The following WDR46 variants were observed in gnomAD, a reference collection of about 807,000 sequenced individuals.
The protein encoded by WDR46 is WD repeat domain 46.
A neutral mutation model predicts 74.7 loss-of-function variants in WDR46; 58 were observed. The ratio of observed to expected loss-of-function variants is 0.78; its 90% confidence interval spans 0.63 to 0.97. The LOEUF is 0.97. Among genes scored for constraint, WDR46 ranks in the 50% least tolerant of loss-of-function variants. The probability of loss-of-function intolerance (pLI) is 0.00; values close to 1 mark genes in which losing one functional copy is unlikely to be tolerated. For synonymous variants in WDR46, 278 were observed against 297.3 expected, an observed-to-expected ratio of 0.93 and a Z score of 0.67; for missense variants, 702 against 790.1, an observed-to-expected ratio of 0.89 and a Z score of 1.34.
At position 33,279,573 on chromosome 6, in the gene WDR46, T is replaced by C; in HGVS notation, c.1658A>G (p.Lys553Arg). ...DPQAKAPFQP[K>R]PKQKGRSSTA... ...GGAGCTGCGGCCCTTCTGCTTTGGCTTTGGCTGGAAGGGAGCCTTAGCCTG... is the reference window on the plus strand; with the variant it reads ...GGAGCTGCGGCCCTTCTGCTTTGGCCTTGGCTGGAAGGGAGCCTTAGCCTG... The change falls in exon 14 of 15, where the codon AAG becomes AGG. Residue 553 changes from lysine (K) to arginine (R), a missense_variant. Physicochemically the swap from Lys to Arg is conservative, Grantham distance 26 (BLOSUM62 2). Coordinates refer to ENST00000374617, the MANE Select transcript of WDR46 (RefSeq NM_005452.6). 1.2e-6 allele frequency: 2 copies of C among 1,614,186 alleles called. No individual in the cohort carries two copies. The highest frequency in any genetic ancestry group is 2.2e-5 in the South Asian group (2 of 91,088).
chr6:33,279,163 C>T lies in WDR46; in HGVS notation c.*113G>A. On this transcript the variant is annotated 3_prime_UTR_variant, in exon 15 of 15. Transcript: ENST00000374617. ...ACCCACCCCAGGAGACAGCTGTCCA[C>T]CCCCAGTTGGGGAAGGGGCCACACT... 2 of 1,450,884 alleles carry T rather than the reference C, an allele frequency of 1.4e-6. No homozygotes were observed. The highest frequency in any genetic ancestry group is 1.9e-6 in the Non-Finnish European group (2 of 1,061,468). 89.9% of individuals were successfully genotyped at this position (1,450,884 alleles called of 1,614,324 possible). A position where few individuals can be genotyped will look rare whatever the true frequency, so the allele number is the denominator to read the frequency against.
intron 10 of WDR46, among the ~76,000 whole-genome samples, chr6:33,281,539 G>C (rs1220748293): frequency 6.6e-6 from 1 of 152,172 alleles, no homozygotes; most frequent in Non-Finnish European, 1.5e-5. Flanking sequence ...AGGTTTGTTA[G>C]GATTGGTGGG....
At position 33,280,512 on chromosome 6, in the gene WDR46, C is replaced by A. The variant is rs754628658; in HGVS notation, c.1440G>T (p.Glu480Asp). Residue 480 changes from glutamate to aspartate, a missense_variant, in exon 12 of 15, where the codon GAG (glutamate) becomes GAT (aspartate). By Grantham distance (45) the Glu-to-Asp change is conservative. Transcript: ENST00000374617. ...ITSMLVPGAG[E>D]PNFDGLESNP... ...TACTCTCCAGGCCATCGAAGTTGGGCTCACCGGCCCCTGAAGGGAGGGAGG... is the reference window on the plus strand; with the variant it reads ...TACTCTCCAGGCCATCGAAGTTGGGATCACCGGCCCCTGAAGGGAGGGAGG... 2 of 1,601,188 alleles carry A rather than the reference C, an allele frequency of 1.2e-6. No homozygotes were observed. The highest frequency in any genetic ancestry group is 1.7e-6 in the Non-Finnish European group (2 of 1,173,196).
chr6:33,281,600 G>A (rs1017127467), intron 10 of WDR46, among the ~76,000 whole-genome samples: 1 of 152,178 alleles, frequency 6.6e-6, no homozygotes, highest in Admixed American at 6.5e-5. Flanking sequence ...TTTCTTTAAA[G>A]TCAGACTGAG....
intron 11 of WDR46, 44 bp downstream of exon 11, chr6:33,280,630 C>A: frequency 6.3e-7 from 1 of 1,594,804 alleles, no homozygotes; most frequent in South Asian, 1.1e-5. Context: ...CAAACTTCCA[C>A]CCAGAGTTCA....
intron 10 of WDR46, among the ~76,000 whole-genome samples, chr6:33,285,594 G>A (rs1455025371): frequency 1.3e-5 from 2 of 151,954 alleles, no homozygotes; most frequent in Non-Finnish European, 2.9e-5. Flanking sequence ...CACAGTCTTG[G>A]CTCACTGCAA....
At position 33,289,155 on chromosome 6, in the gene WDR46, TG is replaced by T; in HGVS notation, c.15del (p.Lys6SerfsTer59). 6.2e-7 allele frequency: 1 copy of T among 1,613,158 alleles called. No homozygotes were observed. The highest frequency in any genetic ancestry group is 8.5e-7 in the Non-Finnish European group (1 of 1,179,418). Reference sequence around the variant, plus strand: ...TTGGGCGGGACATCCTTGCCCGGCTTGGGGGCTGTCTCCATCTCGCCCACCC... The same window carrying T: ...TTGGGCGGGACATCCTTGCCCGGCTTGGGGCTGTCTCCATCTCGCCCACCC... Reference protein sequence around the residue: METAPKPGKDVPPKK... With the variant: METAXKPGKDVPPKK... On this transcript the variant is annotated frameshift_variant, in exon 1 of 15. Coordinates refer to ENST00000374617, the MANE Select transcript of WDR46 (RefSeq NM_005452.6). LOFTEE classifies it high-confidence loss of function.
chr6:33,286,150 A>T (rs1362450046), intron 10 of WDR46, among the ~76,000 whole-genome samples: 1 of 137,256 alleles, frequency 7.3e-6, no homozygotes, highest in Non-Finnish European at 1.5e-5. Context: ...CTCTCAAAAG[A>T]TTTAAAAAAA....
At chr6:33,284,954 C>G (rs972245342) in intron 10 of WDR46, 1 of 153,780 alleles carries the variant, frequency 6.5e-6, no homozygotes, top group South Asian at 2.1e-4. Flanking sequence ...GTCACAGTGA[C>G]ACAGTCGTAA....
chr6:33,287,312 C>T lies in WDR46; in HGVS notation c.879+43G>A, dbSNP rs1410315927. The T allele has an allele frequency of 1.9e-6, 3 of 1,612,724 alleles. No individual in the cohort carries two copies. The South Asian group carries it at 3.3e-5, about 18-fold the overall frequency. The stretch of plus-strand genomic sequence containing the variant: ...GGGGTCCTAAAGGAGAGGTGGTCAT[C>T]CCAAGGGCTTCCAACCAGTTCCTGA... On this transcript the variant is annotated intron_variant, in intron 8 of 14. Transcript: ENST00000374617.
Position 33,280,829 on chromosome 6 carries a change from A to T in WDR46, c.1274T>A (p.Ile425Asn). The T allele has an allele frequency of 6.2e-7, 1 of 1,614,110 alleles. No individual in the cohort carries two copies. Among genetic ancestry groups the T allele is most frequent in the Non-Finnish European group, 8.5e-7 (1 of 1,180,004 alleles). Residue 425 changes from isoleucine (I) to asparagine (N), a missense_variant, in exon 11 of 15, where the codon ATC becomes AAC. Ile to Asn is a moderately radical substitution (Grantham distance 149). Transcript: ENST00000374617. ...GCTGGCCTTGCCCTGCCCTGCCCAG[A>T]TGTTGACAACGTCACCCATTCCCGC... ...LVAGMGDVVN[I>N]WAGQGKASPP...
chr6:33,284,365 G>A (rs1362368087), intron 10 of WDR46: 3 of 153,758 alleles, frequency 2.0e-5, no homozygotes, highest in Non-Finnish European at 4.4e-5. Context: ...GCAGAGCCCT[G>A]CCCACAGCAG....
At chr6:33,287,280 C>T (rs911499358) in intron 8 of WDR46, 54 bp from the exon 9 acceptor site, 1 of 1,612,274 alleles carries the variant, frequency 6.2e-7, no homozygotes, top group Non-Finnish European at 8.5e-7. Context: ...TCTGTATTCC[C>T]TCTGCTGGGG....
intron 11 of WDR46, 43 bp from the exon 12 acceptor site, chr6:33,280,565 C>T (rs1268851321): frequency 1.2e-6 from 2 of 1,600,736 alleles, no homozygotes; most frequent in African/African-American, 2.7e-5. Flanking sequence ...AAGGAAGAAC[C>T]TCAGTCCAAC....
At position 33,279,244 on chromosome 6, in the gene WDR46, G is replaced by T; in HGVS notation, c.*32C>A. The T allele has an allele frequency of 6.2e-7, 1 of 1,613,158 alleles. No individual in the cohort carries two copies. Among genetic ancestry groups the T allele is most frequent in the Non-Finnish European group, 8.5e-7 (1 of 1,179,426 alleles). ...ATTTCCCTACAGGTGATCTTGGGGAGAGACTGTTCCCAGGCAACCCTGGAG... is the reference window on the plus strand; with the variant it reads ...ATTTCCCTACAGGTGATCTTGGGGATAGACTGTTCCCAGGCAACCCTGGAG... On this transcript the variant is annotated 3_prime_UTR_variant, in exon 15 of 15. Transcript: ENST00000374617.
chr6:33,286,184 C>T (rs531459031), intron 10 of WDR46, among the ~76,000 whole-genome samples: 105 of 151,572 alleles, frequency 6.9e-4, no homozygotes, highest in African/African-American at 2.2e-3. Flanking sequence ...CAGTGGCTCA[C>T]GCCTATAATC....
At position 33,280,749 on chromosome 6, in the gene WDR46, C is replaced by G. The variant is rs572889895; in HGVS notation, c.1354G>C (p.Gly452Arg). The G allele has an allele frequency of 6.2e-7, 1 of 1,612,984 alleles. No homozygotes were observed. Among genetic ancestry groups the G allele is most frequent in the South Asian group, 1.1e-5 (1 of 90,952 alleles). Residue 452 changes from glycine to arginine, a missense_variant, in exon 11 of 15, where the codon GGC (glycine) becomes CGC (arginine). Physicochemically the swap from Gly to Arg is moderately radical, Grantham distance 125 (BLOSUM62 -2). Coordinates refer to ENST00000374617, the MANE Select transcript of WDR46 (RefSeq NM_005452.6). Reference sequence around the variant, plus strand: ...TCTTCAAAGGGGCAGAACTGAAGGCCATGCACAGGGCCTGAGAGCCGGTGG... The same window carrying G: ...TCTTCAAAGGGGCAGAACTGAAGGCGATGCACAGGGCCTGAGAGCCGGTGG... ...LTHRLSGPVHGLQFCPFEDVL... is the reference protein window; with the variant it reads ...LTHRLSGPVHRLQFCPFEDVL...
At chr6:33,288,521 G>A in intron 3 of WDR46, 51 bp from the exon 4 acceptor site, 3 of 1,610,066 alleles carry the variant, frequency 1.9e-6, no homozygotes, top group Non-Finnish European at 2.6e-6. Flanking sequence ...AGGATAAGTG[G>A]GGTCACAGGA....
chr6:33,279,545 C>T lies in WDR46; in HGVS notation c.1686G>A (p.Thr562=), dbSNP rs564777653. 1.3e-5 allele frequency: 21 copies of T among 1,614,128 alleles called. No homozygotes were observed. Among genetic ancestry groups the T allele is most frequent in the Admixed American group, 3.3e-5 (2 of 60,032 alleles). ...PKPKQKGRSS[T]ASLVKRKRKV... ...TCCTCTTCCTCTTCACCAGGCTTGCCGTGGAGCTGCGGCCCTTCTGCTTTG... is the reference window on the plus strand; with the variant it reads ...TCCTCTTCCTCTTCACCAGGCTTGCTGTGGAGCTGCGGCCCTTCTGCTTTG... The change falls in exon 14 of 15, where the codon ACG becomes ACA. Residue 562 remains threonine (T), a synonymous_variant. Coordinates refer to ENST00000374617, the MANE Select transcript of WDR46 (RefSeq NM_005452.6).
Sources: allele counts gnomAD v4.1 joint callset (sites outside exome capture counted in the v4.1 genomes callset), GRCh38; gene constraint gnomAD v4.1.1; transcripts MANE v1.5; gene names NCBI Gene and HGNC (gene_info 2026-07-23, HGNC 2026-07-21).